TASP1: variants seen among roughly 807,000 people sequenced by gnomAD.
TASP1 encodes the protein threonine aspartase 1.
In TASP1, 16 loss-of-function variants were observed where a neutral mutation model predicts 56.6. That is an observed-to-expected ratio of 0.28 (90% CI 0.19 to 0.43). TASP1 has a LOEUF of 0.43. TASP1 is among the 20% of genes least tolerant of loss of function. The pLI, the probability that TASP1 is intolerant of heterozygous loss-of-function variation, is 1.00. For missense variants in TASP1, 393 were observed against 511.6 expected, an observed-to-expected ratio of 0.77 and a Z score of 2.24; for synonymous variants, 179 against 184.2, an observed-to-expected ratio of 0.97 and a Z score of 0.23.
At chr20:13,403,001 A>G (rs2041795383) in intron 13 of TASP1, among the ~76,000 whole-genome samples, 1 of 152,352 alleles carries the variant, frequency 6.6e-6, no homozygotes, top group Middle Eastern at 3.4e-3. Flanking sequence ...GGCACACCTT[A>G]GGTTTGATTT....
At chr20:13,478,165 A>G (rs2043007671) in intron 11 of TASP1, among the ~76,000 whole-genome samples, 1 of 152,186 alleles carries the variant, frequency 6.6e-6, no homozygotes, top group South Asian at 2.1e-4. Context: ...GCCTAGTTAT[A>G]ATGATTTAAA....
chr20:13,501,559 A>T (rs1405432936), intron 10 of TASP1, among the ~76,000 whole-genome samples: 2 of 152,020 alleles, frequency 1.3e-5, no homozygotes, highest in Admixed American at 1.3e-4. Context: ...ACTACAGAAA[A>T]CATAATACAT....
chr20:13,573,184 T>A (rs1264167130), intron 6 of TASP1, among the ~76,000 whole-genome samples: 1 of 152,250 alleles, frequency 6.6e-6, no homozygotes, highest in African/African-American at 2.4e-5. Context: ...TTTTGGACTC[T>A]GTTTTAATTT....
In TASP1 at chr20:13,630,110, G is replaced by A. The variant is rs200004417; in HGVS notation, c.-32C>T. 315 of 1,599,270 alleles carry A rather than the reference G, an allele frequency of 2.0e-4. No individual in the cohort carries two copies. The highest frequency in any genetic ancestry group is 1.7e-4 in the Middle Eastern group (1 of 6,034). ...AGATTACCATCTTCTACTGAGAAAG[G>A]GGCATACTTCCATCCAAAAGTAATT... On this transcript the variant is annotated 5_prime_UTR_variant, in exon 2 of 14. Coordinates refer to ENST00000337743, the MANE Select transcript of TASP1 (RefSeq NM_017714.3).
chr20:13,189,160 T>C, the TASP1 span, among the ~76,000 whole-genome samples: 1 of 152,342 alleles, frequency 6.6e-6, no homozygotes, highest in Admixed American at 6.5e-5. Context: ...CTCCTTTAAA[T>C]TTAATTTGGC....
chr20:13,190,317 C>T, the TASP1 span, among the ~76,000 whole-genome samples: 4 of 152,124 alleles, frequency 2.6e-5, no homozygotes, highest in African/African-American at 7.2e-5. Context: ...CAACAGACCA[C>T]CTGACTTCAA....
At chr20:13,484,012 A>G (rs1289798920) in intron 10 of TASP1, among the ~76,000 whole-genome samples, 1 of 152,246 alleles carries the variant, frequency 6.6e-6, no homozygotes, top group Non-Finnish European at 1.5e-5. Flanking sequence ...ATGCAAGAAC[A>G]CTTCTCAAAA....
At chr20:13,444,411 TG>T (rs1280637284) in intron 11 of TASP1, among the ~76,000 whole-genome samples, 1 of 152,190 alleles carries the variant, frequency 6.6e-6, no homozygotes, top group Non-Finnish European at 1.5e-5. Flanking sequence ...ATTCTCTCTT[TG>T]AGGAATTACA....
chr20:13,238,036 G>A, the TASP1 span: 1 of 152,078 alleles, frequency 6.6e-6, no homozygotes, highest in Non-Finnish European at 1.5e-5. Context: ...TGGCTCCATG[G>A]TCCTCCTTCA....
At chr20:13,319,607 T>G in the TASP1 span, among the ~76,000 whole-genome samples, 2 of 152,232 alleles carry the variant, frequency 1.3e-5, no homozygotes, top group Non-Finnish European at 1.5e-5. Context: ...CTATCTCCTT[T>G]ATTTGTCAAA....
At chr20:13,523,337 C>T (rs187836258) in intron 10 of TASP1, among the ~76,000 whole-genome samples, 2 of 152,156 alleles carry the variant, frequency 1.3e-5, no homozygotes, top group African/African-American at 4.8e-5. Flanking sequence ...CTTCCACATA[C>T]CCTTAAAGAG....
intron 7 of TASP1, among the ~76,000 whole-genome samples, chr20:13,567,253 C>T (rs1349002850): frequency 2.0e-5 from 3 of 151,492 alleles, no homozygotes; most frequent in African/African-American, 7.3e-5. Context: ...GAACAAAAGA[C>T]AGTGGAGCCT....
chr20:13,135,939 T>G, the TASP1 span, among the ~76,000 whole-genome samples: 2 of 152,230 alleles, frequency 1.3e-5, no homozygotes, highest in African/African-American at 4.8e-5. Context: ...CGTGATTCAT[T>G]TATAATCAAG....
chr20:13,169,946 A>G, the TASP1 span, among the ~76,000 whole-genome samples: 4 of 152,236 alleles, frequency 2.6e-5, no homozygotes, highest in Admixed American at 2.6e-4. Context: ...TCATTAAAAG[A>G]TAAGTCTTCA....
At chr20:13,314,681 T>TA in the TASP1 span, among the ~76,000 whole-genome samples, 10 of 152,196 alleles carry the variant, frequency 6.6e-5, no homozygotes, top group African/African-American at 2.2e-4. Flanking sequence ...CAGATCTTCA[T>TA]AAAAAAGGAG....
At chr20:13,577,023 A>T (rs1299506694) in intron 6 of TASP1, among the ~76,000 whole-genome samples, 1 of 152,196 alleles carries the variant, frequency 6.6e-6, no homozygotes, top group African/African-American at 2.4e-5. Context: ...ATGTAGCCAA[A>T]GAAAATTAGA....
At chr20:13,137,471 TTATAA>T in the TASP1 span, among the ~76,000 whole-genome samples, 6 of 152,090 alleles carry the variant, frequency 3.9e-5, no homozygotes, top group South Asian at 2.1e-4. Flanking sequence ...AATTATGGTG[TTATAA>T]TATATATATT....
the TASP1 span, among the ~76,000 whole-genome samples, chr20:13,203,477 T>G: frequency 6.6e-6 from 1 of 152,358 alleles, no homozygotes; most frequent in East Asian, 1.9e-4. Context: ...TTGTTCAGAT[T>G]TTAAACTACT....
chr20:13,136,151 T>C, the TASP1 span, among the ~76,000 whole-genome samples: 3 of 152,132 alleles, frequency 2.0e-5, no homozygotes, highest in African/African-American at 7.2e-5. Context: ...TGTCCCTCTC[T>C]GCCCTTAAAC....
Sources: allele counts gnomAD v4.1 joint callset (sites outside exome capture counted in the v4.1 genomes callset), GRCh38; gene constraint gnomAD v4.1.1; transcripts MANE v1.5; gene names NCBI Gene and HGNC (gene_info 2026-07-23, HGNC 2026-07-21).